Variants in NELL1 observed in about 807,000 individuals in gnomAD.
NELL1 encodes neural EGFL like 1.
Under a neutral mutation model 107.4 loss-of-function variants are expected in NELL1, and 76 were observed. That is an observed-to-expected ratio of 0.71 (90% confidence interval 0.59 to 0.86). The LOEUF is 0.86. Among genes scored for constraint, NELL1 ranks in the 40% least tolerant of loss-of-function variants. The pLI is 0.00. For synonymous variants in NELL1, 353 were observed against 341.2 expected (o/e 1.03, Z -0.38); for missense variants, 1,024 against 1,005.5 (o/e 1.02, Z -0.25).
At chr11:20,991,315 T>C (rs1015915993) in intron 12 of NELL1, among the ~76,000 whole-genome samples, 2 of 152,238 alleles carry the variant, frequency 1.3e-5, no homozygotes, top group South Asian at 2.1e-4. Flanking sequence ...TCCACTGTTT[T>C]ACTGCCACTG....
intron 14 of NELL1, among the ~76,000 whole-genome samples, chr11:21,322,446 A>T (rs1159589601): frequency 6.6e-6 from 1 of 152,158 alleles, no homozygotes; most frequent in Non-Finnish European, 1.5e-5. Context: ...ATCTCCTACA[A>T]GAGTAGATTT....
At chr11:21,415,897 C>G (rs1164558128) in intron 15 of NELL1, among the ~76,000 whole-genome samples, 1 of 152,026 alleles carries the variant, frequency 6.6e-6, no homozygotes, top group African/African-American at 2.4e-5. Flanking sequence ...CTGTTATTTC[C>G]ATAGTCCTTA....
At chr11:20,767,988 G>C (rs1856567180) in intron 2 of NELL1, among the ~76,000 whole-genome samples, 1 of 152,178 alleles carries the variant, frequency 6.6e-6, no homozygotes, top group African/African-American at 2.4e-5. Flanking sequence ...GACTTAGGGG[G>C]AGAGTTGACT....
intron 13 of NELL1, among the ~76,000 whole-genome samples, chr11:21,149,864 A>G (rs1856074392): frequency 6.6e-6 from 1 of 152,166 alleles, no homozygotes; most frequent in Non-Finnish European, 1.5e-5. Flanking sequence ...AATAACCATA[A>G]TAATTTAAAA....
intron 14 of NELL1, among the ~76,000 whole-genome samples, chr11:21,288,090 A>T (rs940942170): frequency 4.1e-5 from 3 of 72,506 alleles, no homozygotes; most frequent in Admixed American, 2.6e-4. Flanking sequence ...AGAAGGAAAA[A>T]AGAGGGAAGG....
chr11:20,971,618 A>G (rs1051103622), intron 12 of NELL1, among the ~76,000 whole-genome samples: 2 of 152,142 alleles, frequency 1.3e-5, no homozygotes, highest in African/African-American at 2.4e-5. Context: ...TGGGTAAACA[A>G]TTAGAGAAGA....
chr11:21,033,706 G>A (rs59210709), intron 12 of NELL1, among the ~76,000 whole-genome samples: 16,717 of 151,952 alleles, frequency 0.11, 3,027 homozygotes, highest in African/African-American at 0.38. Context: ...GAGTATACAC[G>A]TGCATGTGTC....
chr11:21,389,160 G>C (rs890730445), intron 15 of NELL1, among the ~76,000 whole-genome samples: 33 of 151,848 alleles, frequency 2.2e-4, no homozygotes, highest in African/African-American at 6.5e-4. Context: ...TACTTAAATG[G>C]ATTATAGGAT....
At chr11:21,532,774 ATG>A (rs946992247) in intron 15 of NELL1, among the ~76,000 whole-genome samples, 1 of 152,178 alleles carries the variant, frequency 6.6e-6, no homozygotes, top group African/African-American at 2.4e-5. Context: ...GTCTGTTTAT[ATG>A]TGTGTCTCTT....
intron 12 of NELL1, among the ~76,000 whole-genome samples, chr11:21,056,979 C>CA (rs5790156): frequency 0.22 from 33,632 of 150,426 alleles, 4,019 homozygotes; most frequent in East Asian, 0.37. Flanking sequence ...GTAGCAAAAA[C>CA]AAAAAAAATG....
At chr11:21,371,741 T>C (rs938332009) in intron 15 of NELL1, among the ~76,000 whole-genome samples, 1 of 152,088 alleles carries the variant, frequency 6.6e-6, no homozygotes, top group Admixed American at 6.6e-5. Context: ...TCACACTTAC[T>C]GCTTTTCATA....
intron 13 of NELL1, among the ~76,000 whole-genome samples, chr11:21,115,131 A>G (rs1208551168): frequency 6.6e-6 from 1 of 151,972 alleles, no homozygotes. Flanking sequence ...CCTTAATAGG[A>G]TAGGCGCTCT....
chr11:20,806,799 T>G (rs1037382811), intron 3 of NELL1, among the ~76,000 whole-genome samples: 3 of 152,160 alleles, frequency 2.0e-5, no homozygotes, highest in Admixed American at 6.5e-5. Flanking sequence ...GTTCACTAAT[T>G]GTTTCTTCTC....
chr11:21,216,748 G>A (rs760746525), intron 13 of NELL1, among the ~76,000 whole-genome samples: 1 of 152,166 alleles, frequency 6.6e-6, no homozygotes, highest in African/African-American at 2.4e-5. Flanking sequence ...TTGTATCTAA[G>A]AAATAAATAA....
At chr11:21,293,036 A>G (rs920446802) in intron 14 of NELL1, among the ~76,000 whole-genome samples, 3 of 152,164 alleles carry the variant, frequency 2.0e-5, no homozygotes, top group Non-Finnish European at 4.4e-5. Context: ...TCATGACTCA[A>G]ACACCAAAAA....
chr11:20,965,417 T>C (rs954107889), intron 12 of NELL1, among the ~76,000 whole-genome samples: 1 of 152,132 alleles, frequency 6.6e-6, no homozygotes, highest in Non-Finnish European at 1.5e-5. Flanking sequence ...GAGTGTGTGC[T>C]CATTGAGACC....
chr11:20,983,286 A>T (rs565124043), intron 12 of NELL1, among the ~76,000 whole-genome samples: 1 of 152,272 alleles, frequency 6.6e-6, no homozygotes, highest in African/African-American at 2.4e-5. Context: ...CAGACAACAG[A>T]TGATGGAGTG....
At chr11:21,349,734 G>A (rs1426526834) in intron 14 of NELL1, among the ~76,000 whole-genome samples, 1 of 152,064 alleles carries the variant, frequency 6.6e-6, no homozygotes, top group African/African-American at 2.4e-5. Context: ...AAATGCTACA[G>A]TGTAGGTTGC....
chr11:21,007,596 C>A (rs1852357027), intron 12 of NELL1, among the ~76,000 whole-genome samples: 1 of 151,638 alleles, frequency 6.6e-6, no homozygotes, highest in Non-Finnish European at 1.5e-5. Flanking sequence ...TCTAAGATTT[C>A]TTTTTTTGTT....
Sources: allele counts gnomAD v4.1 joint callset (sites outside exome capture counted in the v4.1 genomes callset), GRCh38; gene constraint gnomAD v4.1.1; transcripts MANE v1.5; gene names NCBI Gene and HGNC (gene_info 2026-07-23, HGNC 2026-07-21).